VGLL4: variants seen among roughly 807,000 people sequenced by gnomAD.
The protein encoded by VGLL4 is vestigial like family member 4, also known as transcription cofactor vestigial-like protein 4.
VGLL4 carries 7 observed loss-of-function variants against 21.0 expected under a neutral mutation model. The ratio of observed to expected loss-of-function variants is 0.33; its 90% CI spans 0.19 to 0.63. The LOEUF (loss-of-function observed/expected upper bound fraction) is 0.63. Among genes scored for constraint, VGLL4 ranks in the 20% least tolerant of loss-of-function variants. VGLL4 has a pLI of 0.78. For synonymous variants in VGLL4, 222 were observed against 173.2 expected, an observed-to-expected ratio of 1.28 and a Z score of -2.21; for missense variants, 394 against 425.7, an observed-to-expected ratio of 0.93 and a Z score of 0.66.
chr3:11,694,217 G>T (rs1239941379), intron 2 of VGLL4, among the ~76,000 whole-genome samples: 2 of 152,322 alleles, frequency 1.3e-5, no homozygotes, highest in East Asian at 3.9e-4. Flanking sequence ...ATTTCATGGA[G>T]AATCTTTTTT....
intron 2 of VGLL4, among the ~76,000 whole-genome samples, chr3:11,585,907 A>G (rs561534849): frequency 5.3e-5 from 8 of 152,116 alleles, no homozygotes; most frequent in Non-Finnish European, 1.0e-4. Flanking sequence ...GTGCTGATGG[A>G]CAGGCGACCC....
chr3:11,671,238 T>G, intron 2 of VGLL4: 1 of 1,559,268 alleles, frequency 6.4e-7, no homozygotes, highest in Non-Finnish European at 8.6e-7. Flanking sequence ...TAAGAAAATG[T>G]GAAAATCAAA....
intron 2 of VGLL4, among the ~76,000 whole-genome samples, chr3:11,660,302 A>T (rs1162605077): frequency 6.6e-6 from 1 of 152,184 alleles, no homozygotes; most frequent in Non-Finnish European, 1.5e-5. Context: ...TCTTTGAAAA[A>T]TTTGGATAAT....
At chr3:11,606,956 A>G (rs141074947) in intron 1 of VGLL4, among the ~76,000 whole-genome samples, 2 of 152,164 alleles carry the variant, frequency 1.3e-5, no homozygotes, top group South Asian at 4.1e-4. Flanking sequence ...TCATTCTTGA[A>G]GTCAGCGAGA....
chr3:11,604,934 G>A (rs1339837887), intron 1 of VGLL4, among the ~76,000 whole-genome samples: 2 of 143,876 alleles, frequency 1.4e-5, no homozygotes, highest in African/African-American at 5.1e-5. Context: ...TTTGGAAACC[G>A]TGAGATTGAA....
rs374179455 is a variant in VGLL4, at chr3:11,698,488, G to A, written c.64+4483C>T. ...CGCACCACTGCATTCCAGCCTGGGC[G>A]AATGAGCAAGACTCTGTCTCCAGAA... On this transcript the variant is annotated intron_variant, in intron 2 of 5. Coordinates refer to the VGLL4 transcript ENST00000273038. Among the ~76,000 whole-genome samples, 35 of 152,284 alleles carry A rather than the reference G, an allele frequency of 2.3e-4. No individual in the cohort carries two copies. In the South Asian group the frequency reaches 3.1e-3, roughly 14 times the overall value.
Position 11,643,741 on chromosome 3 carries a change from G to GT in VGLL4, c.-224dup, listed in dbSNP as rs2075740799. The GT allele has an allele frequency of 2.3e-6, 3 of 1,323,634 alleles. No individual in the cohort carries two copies. Among genetic ancestry groups the GT allele is most frequent in the African/African-American group, 1.5e-5 (1 of 66,732 alleles). The allele number at this position is 1,323,634 out of a possible 1,614,324, so 82.0% of individuals were successfully genotyped here. ...CTTCAAGGGCTTACTGGTAGACGGT[G>GT]TATGTACTGTATCCCCGATCGAGTA... On this transcript the variant is annotated 5_prime_UTR_variant, in exon 1 of 5. Transcript: ENST00000430365.
Position 11,558,494 on chromosome 3 carries a change from C to T in VGLL4, c.*62G>A, listed in dbSNP as rs2072644190. ...CCCATGATTTTTTTTTTTTTAAGTA[C>T]TGACTGTTCAAAGCTCAGGCAAACC... On this transcript the variant is annotated 3_prime_UTR_variant, in exon 5 of 5. Transcript: ENST00000430365. 1 of 751,360 alleles carries T rather than the reference C, an allele frequency of 1.3e-6. No homozygotes were observed. The allele number at this position is 751,360 out of a possible 1,614,324, so 46.5% of individuals were successfully genotyped here.
intron 2 of VGLL4, among the ~76,000 whole-genome samples, chr3:11,658,259 A>G (rs2075985101): frequency 6.6e-6 from 1 of 150,994 alleles, no homozygotes; most frequent in Non-Finnish European, 1.5e-5. Context: ...AGAGGGAGAG[A>G]AATGAGCAAA....
At chr3:11,709,670 T>C (rs1256224928) in intron 1 of VGLL4, among the ~76,000 whole-genome samples, 2 of 152,096 alleles carry the variant, frequency 1.3e-5, no homozygotes, top group Non-Finnish European at 2.9e-5. Context: ...CCTCAATTCA[T>C]ATGTTCTTCC....
At chr3:11,673,608 C>T (rs1022177151) in intron 2 of VGLL4, among the ~76,000 whole-genome samples, 1 of 152,118 alleles carries the variant, frequency 6.6e-6, no homozygotes, top group African/African-American at 2.4e-5. Context: ...ATAATAGTTG[C>T]TTTTTCTTCT....
rs1405781547 is a variant in VGLL4 at position 11,626,283 on chromosome 3, A to G, written c.82+17154T>C. On this transcript the variant is annotated intron_variant, in intron 1 of 4. Coordinates refer to ENST00000430365, the MANE Select transcript of VGLL4 (RefSeq NM_001128219.3). ...CGGAAAGGAAATTCTTTTGAACTCAAAGACACAACCTTTCCAAAAAAATAC... is the reference window on the plus strand; with the variant it reads ...CGGAAAGGAAATTCTTTTGAACTCAGAGACACAACCTTTCCAAAAAAATAC... The G allele has an allele frequency of 9.0e-6, 4 of 442,482 alleles. No homozygotes were observed. The Admixed American group carries it at 1.0e-4, about 11-fold the overall frequency. The allele number at this position is 442,482 out of a possible 1,614,324, so 27.4% of individuals were successfully genotyped here. A position where few individuals can be genotyped will look rare whatever the true frequency, so the allele number is the denominator to read the frequency against.
At chr3:11,620,810 C>A (rs1009978627) in intron 1 of VGLL4, among the ~76,000 whole-genome samples, 2 of 152,182 alleles carry the variant, frequency 1.3e-5, no homozygotes, top group Non-Finnish European at 2.9e-5. Flanking sequence ...CCTGTGTGCA[C>A]ATATCATGCT....
chr3:11,633,119 G>A (rs991136458), intron 1 of VGLL4: 4 of 152,110 alleles, frequency 2.6e-5, no homozygotes, highest in African/African-American at 9.7e-5. Context: ...AAACTCACTT[G>A]TATCACCAAC....
chr3:11,714,462 A>C (rs1252907500), intron 1 of VGLL4, among the ~76,000 whole-genome samples: 1 of 152,024 alleles, frequency 6.6e-6, no homozygotes, highest in Non-Finnish European at 1.5e-5. Context: ...AGGCCAAGGC[A>C]GGTGGATCGC....
chr3:11,584,315 C>T (rs2074310994), intron 2 of VGLL4, among the ~76,000 whole-genome samples: 1 of 152,160 alleles, frequency 6.6e-6, no homozygotes, highest in Middle Eastern at 3.4e-3. Flanking sequence ...ATGAAAACAT[C>T]ATTCAAGTTC....
chr3:11,677,302 C>T (rs2076305247), intron 2 of VGLL4, among the ~76,000 whole-genome samples: 1 of 150,374 alleles, frequency 6.7e-6, no homozygotes, highest in East Asian at 1.9e-4. Context: ...GACAGGGTCT[C>T]ACGCTGTCGT....
intron 1 of VGLL4, among the ~76,000 whole-genome samples, chr3:11,636,660 C>A (rs1447785568): frequency 6.6e-6 from 1 of 152,192 alleles, no homozygotes; most frequent in Non-Finnish European, 1.5e-5. Flanking sequence ...GCTGTTCAGG[C>A]CCTAAGTAAG....
At chr3:11,559,521 C>T in intron 3 of VGLL4, 66 bp from the exon 4 acceptor site, 1 of 1,463,366 alleles carries the variant, frequency 6.8e-7, no homozygotes, top group Non-Finnish European at 9.1e-7. Context: ...CCCTGGGGCC[C>T]TCCCCAGCAC....
Sources: gnomAD v4.1 joint callset for allele counts (sites outside exome capture counted in the v4.1 genomes callset) on GRCh38, gnomAD v4.1.1 for gene constraint, MANE v1.5 for transcripts, NCBI Gene and HGNC (gene_info 2026-07-23, HGNC 2026-07-21) for gene names.